TRPM6: variants seen among roughly 807,000 people sequenced by gnomAD.
TRPM6 encodes transient receptor potential cation channel subfamily M member 6.
A neutral mutation model predicts 247.6 loss-of-function variants in TRPM6; 111 were observed. The observed-to-expected ratio is 0.45, with a 90% CI of 0.38 to 0.52. The LOEUF (loss-of-function observed/expected upper bound fraction) is 0.52, where lower values mean the gene tolerates loss of function less well. Ranked by LOEUF, TRPM6 falls within the 20% of genes least tolerant of loss-of-function variation. The probability of loss-of-function intolerance (pLI) is 0.00; values close to 1 mark genes in which losing one functional copy is unlikely to be tolerated. For synonymous variants in TRPM6, 892 were observed against 853.8 expected, an observed-to-expected ratio of 1.04 and a Z score of -0.78; for missense variants, 2,126 against 2,421.5, an observed-to-expected ratio of 0.88 and a Z score of 2.56.
chr9:74,795,705 T>A (rs1828072278), intron 18 of TRPM6, among the ~76,000 whole-genome samples: 1 of 152,232 alleles, frequency 6.6e-6, no homozygotes, highest in Non-Finnish European at 1.5e-5. Context: ...GCCATCTTAC[T>A]GTAATTTAGT....
At chr9:74,821,584 G>T in intron 8 of TRPM6, 85 bp downstream of exon 8, 3 of 1,456,936 alleles carry the variant, frequency 2.1e-6, no homozygotes, top group Non-Finnish European at 2.9e-6. Context: ...AGAATATCTG[G>T]CTCACATAAA....
chr9:74,883,148 T>A (rs1439713661), intron 1 of TRPM6, among the ~76,000 whole-genome samples: 2 of 152,226 alleles, frequency 1.3e-5, no homozygotes, highest in Non-Finnish European at 2.9e-5. Flanking sequence ...TTACTTAGCA[T>A]TATGTCCTCA....
intron 31 of TRPM6, among the ~76,000 whole-genome samples, chr9:74,747,058 A>G (rs1826073343): frequency 6.6e-6 from 1 of 152,186 alleles, no homozygotes; most frequent in Non-Finnish European, 1.5e-5. Context: ...AATGGCCAAT[A>G]TCAAATGCCA....
At chr9:74,778,927 C>G (rs148846370) in intron 23 of TRPM6, among the ~76,000 whole-genome samples, 1 of 152,136 alleles carries the variant, frequency 6.6e-6, no homozygotes, top group Non-Finnish European at 1.5e-5. Flanking sequence ...CAAAGAGCCT[C>G]CTGGTGACAC....
intron 1 of TRPM6, among the ~76,000 whole-genome samples, chr9:74,886,511 C>T (rs536222524): frequency 3.3e-5 from 5 of 150,994 alleles, no homozygotes; most frequent in East Asian, 1.9e-4. Flanking sequence ...GTCTTTTTTT[C>T]TCTTTTTTTT....
chr9:74,734,425 C>T (rs1248000894), intron 36 of TRPM6, among the ~76,000 whole-genome samples: 1 of 152,082 alleles, frequency 6.6e-6, no homozygotes, highest in Non-Finnish European at 1.5e-5. Flanking sequence ...AAATGTAATC[C>T]TTATAGACTT....
chr9:74,870,393 G>C (rs1037155779), intron 1 of TRPM6, among the ~76,000 whole-genome samples: 2 of 152,092 alleles, frequency 1.3e-5, no homozygotes, highest in African/African-American at 4.8e-5. Context: ...TAAAGGATAA[G>C]AGTAAATGTA....
At chr9:74,795,335 C>T (rs545243909) in intron 18 of TRPM6, among the ~76,000 whole-genome samples, 7 of 152,310 alleles carry the variant, frequency 4.6e-5, no homozygotes, top group South Asian at 2.1e-4. Context: ...CATTCACTGG[C>T]TGTCCGTAAC....
intron 19 of TRPM6, 124 bp from the exon 20 acceptor site, chr9:74,788,866 G>T: frequency 1.7e-6 from 2 of 1,154,740 alleles, no homozygotes; most frequent in East Asian, 2.6e-5. Context: ...ACAGAACTAG[G>T]ACCACCTTCG....
At chr9:74,869,238 A>G (rs749520285) in intron 1 of TRPM6, among the ~76,000 whole-genome samples, 26 of 152,090 alleles carry the variant, frequency 1.7e-4, no homozygotes, top group Admixed American at 7.2e-4. Flanking sequence ...TGGGAGGCCG[A>G]GGCAGGCAGA....
At position 74,799,788 on chromosome 9, in the gene TRPM6, A is replaced by G. The variant is rs1227048034; in HGVS notation, c.2238+466T>C. On this transcript the variant is annotated intron_variant, in intron 17 of 38. Transcript: ENST00000360774. ...TGTGGTGGACAGGGCAGGTAAAATTATACCCATTTTTCAAAAGGAAACTGT... is the reference window on the plus strand; with the variant it reads ...TGTGGTGGACAGGGCAGGTAAAATTGTACCCATTTTTCAAAAGGAAACTGT... 2.1e-5 allele frequency: 4 copies of G among 190,848 alleles called. No homozygotes were observed. The East Asian group carries it at 3.8e-4, about 18-fold the overall frequency. The allele number at this position is 190,848 out of a possible 1,614,324, so 11.8% of individuals were successfully genotyped here.
At chr9:74,821,376 A>G (rs1456501533) in intron 8 of TRPM6, among the ~76,000 whole-genome samples, 1 of 152,134 alleles carries the variant, frequency 6.6e-6, no homozygotes, top group Non-Finnish European at 1.5e-5. Flanking sequence ...GTAATGGCCA[A>G]TTGCTCAAGC....
intron 9 of TRPM6, among the ~76,000 whole-genome samples, chr9:74,819,091 T>G (rs1367512665): frequency 1.3e-5 from 2 of 152,126 alleles, no homozygotes; most frequent in Non-Finnish European, 2.9e-5. Flanking sequence ...GCAGATCGCT[T>G]GAGGCCAGGA....
intron 1 of TRPM6, chr9:74,887,610 C>T (rs1341596575): frequency 1.3e-6 from 2 of 1,537,954 alleles, no homozygotes; most frequent in African/African-American, 1.4e-5. Flanking sequence ...GCGGGACCTG[C>T]CCTGTAGTAG....
In TRPM6 at chr9:74,796,736, C is replaced by T. The variant is rs779701513; in HGVS notation, c.2391+5G>A. 1 of 1,613,922 alleles carries T rather than the reference C, an allele frequency of 6.2e-7. No individual in the cohort carries two copies. The highest frequency in any genetic ancestry group is 8.5e-7 in the Non-Finnish European group (1 of 1,179,852). On this transcript the variant is annotated splice_donor_5th_base_variant and intron_variant, in intron 18 of 38. Transcript: ENST00000360774. ...AAATTCAGTTCATTATGATTTTGCA[C>T]TAACCACAGAAGCACTTTCTTTGGA...
At chr9:74,737,606 G>A (rs1825736792) in intron 36 of TRPM6, among the ~76,000 whole-genome samples, 1 of 152,146 alleles carries the variant, frequency 6.6e-6, no homozygotes, top group Admixed American at 6.5e-5. Flanking sequence ...TCTGCATCCT[G>A]GCTCCCCCTT....
rs763702052 is a variant in TRPM6, at chr9:74,750,722, C to A, written c.4999G>T (p.Asp1667Tyr). 1.2e-6 allele frequency: 2 copies of A among 1,613,828 alleles called. No individual in the cohort carries two copies. Among genetic ancestry groups the A allele is most frequent in the Non-Finnish European group, 1.7e-6 (2 of 1,179,802 alleles). ...TTCCACAAAGAGTTTTTGCTGAGAT[C>A]CTGAGCAGAAGGGAAAGGCCGTTAC... ...ISDYLKQSQE[D>Y]LSKNSLWNSR... The change falls in exon 30 of 39, where the codon GAT becomes TAT. Residue 1667 changes from aspartate to tyrosine, a missense_variant and splice_region_variant. Coordinates refer to ENST00000360774, the MANE Select transcript of TRPM6 (RefSeq NM_017662.5).
chr9:74,837,598 C>T (rs2095179), intron 5 of TRPM6, among the ~76,000 whole-genome samples: 47,976 of 151,768 alleles, frequency 0.32, 8,410 homozygotes, highest in East Asian at 0.52. Flanking sequence ...AGGCGCCCGC[C>T]GCCACACTCG....
At chr9:74,740,443 C>T (rs1160718213) in intron 33 of TRPM6, among the ~76,000 whole-genome samples, 2 of 152,118 alleles carry the variant, frequency 1.3e-5, no homozygotes, top group African/African-American at 2.4e-5. Flanking sequence ...GTTGCATATC[C>T]CTTATCCAAA....
Sources: allele counts gnomAD v4.1 joint callset (sites outside exome capture counted in the v4.1 genomes callset), GRCh38; gene constraint gnomAD v4.1.1; transcripts MANE v1.5; gene names NCBI Gene and HGNC (gene_info 2026-07-23, HGNC 2026-07-21).